The following PCP4L1 variants were observed in gnomAD, a reference collection of about 807,000 sequenced individuals.
PCP4L1 encodes the protein Purkinje cell protein 4 like 1, also known as Purkinje cell protein 4-like protein 1.
A neutral mutation model predicts 9.6 loss-of-function variants in PCP4L1; 9 were observed. The observed-to-expected ratio is 0.94, with a 90% CI of 0.57 to 1.64. PCP4L1 has a LOEUF of 1.64. Ranked by LOEUF, PCP4L1 falls within the 40% of genes most tolerant of loss-of-function variation. The probability of loss-of-function intolerance (pLI) is 0.00; values close to 1 mark genes in which losing one functional copy is unlikely to be tolerated. For synonymous variants in PCP4L1, 31 were observed against 28.2 expected, an observed-to-expected ratio of 1.10 and a Z score of -0.31; for missense variants, 81 against 80.8, an observed-to-expected ratio of 1.00 and a Z score of -0.01.
At chr1:161,283,348 CT>C (rs1456288717) in intron 1 of PCP4L1, among the ~76,000 whole-genome samples, 1 of 152,142 alleles carries the variant, frequency 6.6e-6, no homozygotes, top group Non-Finnish European at 1.5e-5. Flanking sequence ...CTTTCGCTAC[CT>C]TTTCTCCATA....
intron 1 of PCP4L1, among the ~76,000 whole-genome samples, chr1:161,280,352 C>G (rs1417265242): frequency 6.6e-6 from 1 of 152,094 alleles, no homozygotes; most frequent in South Asian, 2.1e-4. Context: ...GATCTCACCC[C>G]CTCTCTCCTA....
chr1:161,265,895 G>A (rs1170487605), intron 1 of PCP4L1, among the ~76,000 whole-genome samples: 3 of 151,550 alleles, frequency 2.0e-5, no homozygotes, highest in African/African-American at 7.3e-5. Context: ...CCAACACCAC[G>A]CCCGGCTAAT....
chr1:161,267,993 G>A (rs532843334), intron 1 of PCP4L1, among the ~76,000 whole-genome samples: 7 of 152,200 alleles, frequency 4.6e-5, no homozygotes, highest in Non-Finnish European at 7.3e-5. Flanking sequence ...AATAACAGGC[G>A]TGAGCCACCG....
chr1:161,278,939 T>C (rs1669748948), intron 1 of PCP4L1, among the ~76,000 whole-genome samples: 1 of 152,166 alleles, frequency 6.6e-6, no homozygotes, highest in Admixed American at 6.5e-5. Context: ...CACGCCACCA[T>C]GCTTGATTAA....
intron 1 of PCP4L1, among the ~76,000 whole-genome samples, chr1:161,281,585 G>C (rs1366380191): frequency 6.6e-6 from 1 of 150,948 alleles, no homozygotes; most frequent in Admixed American, 6.6e-5. Context: ...CCTCCCGGAC[G>C]GGGCAGCTGG....
Position 161,284,498 on chromosome 1 carries a change from T to TTCACCG in PCP4L1, c.*22_*23insGTCACC, listed in dbSNP as rs1193997688. On this transcript the variant is annotated 3_prime_UTR_variant, in exon 3 of 3. Transcript: ENST00000504449. ...AGCTCCTGAATGGCCAGGCTTGCCC[T>TTCACCG]TCACCTTCACCTTCATGCTGGTCCC... The TTCACCG allele has an allele frequency of 6.2e-7, 1 of 1,606,372 alleles. No individual in the cohort carries two copies. Among genetic ancestry groups the TTCACCG allele is most frequent in the Admixed American group, 1.7e-5 (1 of 58,648 alleles).
At chr1:161,267,517 G>A (rs1669550174) in intron 1 of PCP4L1, among the ~76,000 whole-genome samples, 1 of 152,190 alleles carries the variant, frequency 6.6e-6, no homozygotes, top group Non-Finnish European at 1.5e-5. Context: ...CTTTTCTGGT[G>A]ACAGTGGTTG....
chr1:161,263,862 G>T (rs962979432), intron 1 of PCP4L1, among the ~76,000 whole-genome samples: 59 of 147,960 alleles, frequency 4.0e-4, no homozygotes, highest in Non-Finnish European at 2.1e-4. Flanking sequence ...GGGATTACAG[G>T]CATGAGCTAC....
At chr1:161,267,913 A>G (rs1033373977) in intron 1 of PCP4L1, among the ~76,000 whole-genome samples, 7 of 152,212 alleles carry the variant, frequency 4.6e-5, no homozygotes, top group Admixed American at 6.5e-5. Context: ...GGGTTTCACC[A>G]TGTTGGCCAG....
intron 1 of PCP4L1, among the ~76,000 whole-genome samples, chr1:161,260,290 T>C (rs557929557): frequency 7.2e-5 from 11 of 152,316 alleles, no homozygotes; most frequent in African/African-American, 2.6e-4. Context: ...TCCTGGAAAA[T>C]TCGGCTAGTC....
At chr1:161,282,900 A>C (rs1262133727) in intron 1 of PCP4L1, among the ~76,000 whole-genome samples, 2 of 152,090 alleles carry the variant, frequency 1.3e-5, no homozygotes, top group African/African-American at 4.8e-5. Context: ...CACCATGCTG[A>C]TTCAAGCTAC....
intron 1 of PCP4L1, among the ~76,000 whole-genome samples, chr1:161,277,881 A>G (rs186856692): frequency 2.6e-5 from 4 of 152,342 alleles, no homozygotes; most frequent in Admixed American, 6.5e-5. Context: ...CATTGAGACA[A>G]TGGAAACAAT....
At chr1:161,273,824 G>A (rs1669661518) in intron 1 of PCP4L1, among the ~76,000 whole-genome samples, 1 of 152,184 alleles carries the variant, frequency 6.6e-6, no homozygotes, top group African/African-American at 2.4e-5. Flanking sequence ...TGGCAGGACT[G>A]GACCCTGTTC....
chr1:161,262,157 A>G (rs959186557), intron 1 of PCP4L1, among the ~76,000 whole-genome samples: 1 of 152,126 alleles, frequency 6.6e-6, no homozygotes, highest in Non-Finnish European at 1.5e-5. Flanking sequence ...TCTACCGGCC[A>G]GGCGCGGTGG....
chr1:161,266,031 T>C (rs1215107048), intron 1 of PCP4L1, among the ~76,000 whole-genome samples: 1 of 152,050 alleles, frequency 6.6e-6, no homozygotes, highest in Admixed American at 6.6e-5. Context: ...TGAGCCACCA[T>C]GCTGGCCTCA....
Position 161,284,501 on chromosome 1 carries a change from A to G in PCP4L1, c.*20A>G. The G allele has an allele frequency of 6.2e-7, 1 of 1,606,076 alleles. No individual in the cohort carries two copies. Among genetic ancestry groups the G allele is most frequent in the Non-Finnish European group, 8.5e-7 (1 of 1,176,004 alleles). On this transcript the variant is annotated 3_prime_UTR_variant, in exon 3 of 3. Transcript: ENST00000504449. The stretch of plus-strand genomic sequence containing the variant: ...TCCTGAATGGCCAGGCTTGCCCTTC[A>G]CCTTCACCTTCATGCTGGTCCCTTC...
At chr1:161,276,631 T>C (rs1571799158) in intron 1 of PCP4L1, among the ~76,000 whole-genome samples, 1 of 150,722 alleles carries the variant, frequency 6.6e-6, no homozygotes, top group South Asian at 2.1e-4. Context: ...CAGTGAGACA[T>C]GATTGTGCCA....
intron 1 of PCP4L1, among the ~76,000 whole-genome samples, chr1:161,279,992 C>T (rs959680441): frequency 1.3e-5 from 2 of 152,122 alleles, no homozygotes; most frequent in African/African-American, 2.4e-5. Context: ...GAGCAGGGAA[C>T]CTGGGAAAAA....
chr1:161,267,358 T>C (rs1304090763), intron 1 of PCP4L1, among the ~76,000 whole-genome samples: 1 of 152,234 alleles, frequency 6.6e-6, no homozygotes, highest in African/African-American at 2.4e-5. Context: ...GATGAGGTGA[T>C]CCTTGTTCCT....
Sources: allele counts gnomAD v4.1 joint callset (sites outside exome capture counted in the v4.1 genomes callset), GRCh38; gene constraint gnomAD v4.1.1; transcripts MANE v1.5; gene names NCBI Gene and HGNC (gene_info 2026-07-23, HGNC 2026-07-21).